The following PSD3 variants were observed in gnomAD, a reference collection of about 807,000 sequenced individuals.
PSD3 encodes the protein pleckstrin and Sec7 domain containing 3.
PSD3 carries 49 observed loss-of-function variants against 105.5 expected under a neutral mutation model. That is an observed-to-expected ratio of 0.46 (90% CI 0.37 to 0.59). PSD3 has a LOEUF of 0.59. PSD3 is among the 20% of genes least tolerant of loss of function. PSD3 has a pLI of 0.00. For synonymous variants in PSD3, 557 were observed against 457.8 expected (o/e 1.22, Z -2.77); for missense variants, 1,561 against 1,263.8 (o/e 1.24, Z -3.57).
At position 18,600,446 on chromosome 8, in the gene PSD3, GA is replaced by G. The variant is rs763933349; in HGVS notation, c.2411-13del. On this transcript the variant is annotated splice_polypyrimidine_tract_variant and intron_variant, in intron 11 of 15. Coordinates refer to ENST00000327040, the MANE Select transcript of PSD3 (RefSeq NM_015310.4). ...TTTTCCTCTTGGAGCTAGAAAGGGGGAAAAAATGTAAAATTTTATTTGACAT... is the reference window on the plus strand; with the variant it reads ...TTTTCCTCTTGGAGCTAGAAAGGGGGAAAAATGTAAAATTTTATTTGACAT... 1.6e-5 allele frequency: 26 copies of G among 1,586,764 alleles called. No homozygotes were observed. In the East Asian group the frequency reaches 2.2e-4, roughly 14 times the overall value.
chr8:18,769,105 A>AT (rs998741612), intron 8 of PSD3, among the ~76,000 whole-genome samples: 3 of 152,132 alleles, frequency 2.0e-5, no homozygotes, highest in Admixed American at 2.0e-4. Flanking sequence ...AGGTAAAAAA[A>AT]TAACACATAC....
At chr8:18,825,600 G>A (rs1273673610) in intron 4 of PSD3, among the ~76,000 whole-genome samples, 1 of 152,204 alleles carries the variant, frequency 6.6e-6, no homozygotes, top group African/African-American at 2.4e-5. Flanking sequence ...GAATGAAGAT[G>A]ATTTCTTCTT....
chr8:18,796,696 C>T (rs11203998), intron 8 of PSD3, among the ~76,000 whole-genome samples: 1 of 152,088 alleles, frequency 6.6e-6, no homozygotes, highest in East Asian at 1.9e-4. Context: ...AGGGGAGTCA[C>T]CCCTCCCCTA....
At chr8:18,918,167 T>A (rs372058578) in intron 2 of PSD3, among the ~76,000 whole-genome samples, 1 of 152,166 alleles carries the variant, frequency 6.6e-6, no homozygotes, top group Middle Eastern at 3.2e-3. Flanking sequence ...CCACCTGAAG[T>A]CTTCTAGTTC....
intron 15 of PSD3, among the ~76,000 whole-genome samples, chr8:18,536,723 A>AT (rs1043157456): frequency 2.1e-4 from 32 of 149,400 alleles, no homozygotes; most frequent in East Asian, 5.9e-4. Context: ...GATATCTAAG[A>AT]TTTTTTTTTT....
intron 4 of PSD3, among the ~76,000 whole-genome samples, chr8:18,867,337 C>T (rs1817016091): frequency 6.6e-6 from 1 of 152,186 alleles, no homozygotes; most frequent in Non-Finnish European, 1.5e-5. Context: ...CAGACTAAAG[C>T]TACGATCTCT....
chr8:19,084,080 C>T, intron 1 of PSD3: 2 of 352,370 alleles, frequency 5.7e-6, no homozygotes, highest in Non-Finnish European at 1.1e-5. Context: ...GTGGGTACCT[C>T]TGCTGTTGAG....
Position 18,531,754 on chromosome 8 carries a change from T to C in PSD3, c.*3989A>G, listed in dbSNP as rs1799641958. 6.6e-6 allele frequency: 1 copy of C among 152,246 alleles called. No homozygotes were observed. The highest frequency in any genetic ancestry group is 1.5e-5 in the Non-Finnish European group (1 of 68,054). The allele number at this position is 152,246 out of a possible 1,614,324, so 9.4% of individuals were successfully genotyped here. Reference sequence around the variant, plus strand: ...TTGGACAATTCCTCATAAACTAGACTTCAGGTTTAACAACTCTTAGGATGC... The same window carrying C: ...TTGGACAATTCCTCATAAACTAGACCTCAGGTTTAACAACTCTTAGGATGC... On this transcript the variant is annotated 3_prime_UTR_variant, in exon 16 of 16. Transcript: ENST00000327040.
chr8:18,577,965 C>G (rs1405004230), intron 12 of PSD3, among the ~76,000 whole-genome samples: 1 of 151,846 alleles, frequency 6.6e-6, no homozygotes, highest in Non-Finnish European at 1.5e-5. Flanking sequence ...CTGTTTTATT[C>G]TTATCCTCAA....
chr8:18,885,920 C>T (rs960095805), intron 2 of PSD3, among the ~76,000 whole-genome samples: 7 of 152,292 alleles, frequency 4.6e-5, no homozygotes, highest in Middle Eastern at 3.4e-3. Context: ...CCTCAACTAG[C>T]GTGTTTCCAG....
At chr8:18,779,039 T>G (rs1808357884) in intron 8 of PSD3, among the ~76,000 whole-genome samples, 1 of 150,130 alleles carries the variant, frequency 6.7e-6, no homozygotes, top group African/African-American at 2.5e-5. Context: ...TGTTAGATCT[T>G]CTTTGTAAGT....
At chr8:18,604,645 C>G (rs748922850) in intron 11 of PSD3, among the ~76,000 whole-genome samples, 13 of 152,172 alleles carry the variant, frequency 8.5e-5, no homozygotes, top group Non-Finnish European at 4.4e-5. Flanking sequence ...AATGGGGACA[C>G]GGCCTTGAAG....
chr8:18,632,752 G>T lies in PSD3; in HGVS notation c.2271C>A (p.Asn757Lys), dbSNP rs79457998. The change falls in exon 11 of 16, where the codon AAC becomes AAA. Residue 757 changes from asparagine (N) to lysine (K), a missense_variant. Transcript: ENST00000327040. Reference protein sequence around the residue: ...SPSESTEEKANGTHPKTISRI... With the variant: ...SPSESTEEKAKGTHPKTISRI... Reference sequence around the variant, plus strand: ...GACTGATGGTCTTTGGATGTGTTCCGTTAGCTTTCTCCTCAGTACTTTCTG... The same window carrying T: ...GACTGATGGTCTTTGGATGTGTTCCTTTAGCTTTCTCCTCAGTACTTTCTG... The T allele has an allele frequency of 6.2e-7, 1 of 1,605,772 alleles. No homozygotes were observed.
chr8:18,968,104 A>C (rs922775504), intron 1 of PSD3, among the ~76,000 whole-genome samples: 1 of 152,206 alleles, frequency 6.6e-6, no homozygotes, highest in Non-Finnish European at 1.5e-5. Flanking sequence ...ATTTATGTCC[A>C]CATTTCTATA....
At chr8:18,736,279 C>T (rs1172054222) in intron 9 of PSD3, among the ~76,000 whole-genome samples, 1 of 152,116 alleles carries the variant, frequency 6.6e-6, no homozygotes, top group Non-Finnish European at 1.5e-5. Context: ...CTACTCTGCT[C>T]CTTAGTCTGT....
At chr8:18,585,746 G>T (rs1037943293) in intron 12 of PSD3, among the ~76,000 whole-genome samples, 1 of 152,126 alleles carries the variant, frequency 6.6e-6, no homozygotes, top group African/African-American at 2.4e-5. Flanking sequence ...CTGTGCAACA[G>T]GTGTTTTCAT....
intron 1 of PSD3, among the ~76,000 whole-genome samples, chr8:18,963,001 A>T (rs1824016568): frequency 6.6e-6 from 1 of 152,212 alleles, no homozygotes. Context: ...GACTGGGGAT[A>T]AAAAGAGGTT....
chr8:18,899,992 G>A (rs1325191534), intron 2 of PSD3, among the ~76,000 whole-genome samples: 1 of 151,326 alleles, frequency 6.6e-6, no homozygotes, highest in Non-Finnish European at 1.5e-5. Flanking sequence ...TTCCAGAAAG[G>A]GGGCACTTTT....
intron 10 of PSD3, among the ~76,000 whole-genome samples, chr8:18,638,655 T>C (rs1186573016): frequency 6.6e-6 from 1 of 152,160 alleles, no homozygotes; most frequent in Non-Finnish European, 1.5e-5. Flanking sequence ...AAAAATCCCA[T>C]GTTAATGAAC....
Sources: gnomAD v4.1 joint callset for allele counts (sites outside exome capture counted in the v4.1 genomes callset) on GRCh38, gnomAD v4.1.1 for gene constraint, MANE v1.5 for transcripts, NCBI Gene and HGNC (gene_info 2026-07-23, HGNC 2026-07-21) for gene names.